CREBRF: variants seen among roughly 807,000 people sequenced by gnomAD.
CREBRF encodes CREB3 regulatory factor.
Under a neutral mutation model 66.1 loss-of-function variants are expected in CREBRF, and 5 were observed. The observed-to-expected ratio is 0.08, with a 90% CI of 0.04 to 0.16. The LOEUF is 0.16. Among genes scored for constraint, CREBRF ranks in the 10% least tolerant of loss-of-function variants. CREBRF has a pLI of 1.00. For synonymous variants in CREBRF, 229 were observed against 264.4 expected (o/e 0.87, Z 1.30); for missense variants, 531 against 744.9 (o/e 0.71, Z 3.34).
In CREBRF at chr5:173,138,177, T is replaced by G. The variant is rs1433163654; in HGVS notation, c.*4432T>G. ...AGTGCCGTAATACTTGTGGATTCTTTTGTAATCTTTGTAATCTTAATAAGG... is the reference window on the plus strand; with the variant it reads ...AGTGCCGTAATACTTGTGGATTCTTGTGTAATCTTTGTAATCTTAATAAGG... On this transcript the variant is annotated 3_prime_UTR_variant, in exon 9 of 9. Transcript: ENST00000296953. 1 of 152,192 alleles carries G rather than the reference T, an allele frequency of 6.6e-6. No individual in the cohort carries two copies. Among genetic ancestry groups the G allele is most frequent in the African/African-American group, 2.4e-5 (1 of 41,460 alleles). The allele number at this position is 152,192 out of a possible 1,614,324, so 9.4% of individuals were successfully genotyped here.
At chr5:173,063,710 AG>A (rs1161832193) in intron 1 of CREBRF, among the ~76,000 whole-genome samples, 5 of 150,608 alleles carry the variant, frequency 3.3e-5, no homozygotes, top group Non-Finnish European at 5.9e-5. Context: ...TTGATTAAAA[AG>A]AATTTTTGTT....
At position 173,071,293 on chromosome 5, in the gene CREBRF, C is replaced by G. The variant is rs546164127; in HGVS notation, c.-191-9292C>G. Among the ~76,000 whole-genome samples, 20 of 152,236 alleles carry G rather than the reference C, an allele frequency of 1.3e-4. 1 individual carries two copies. The highest frequency in any genetic ancestry group is 4.8e-4 in the African/African-American group (20 of 41,562). ...GCGCCATGATCTCGCATCACTGCAA[C>G]CTCCGCCTCCTGGGTTCAAACGATT... On this transcript the variant is annotated intron_variant, in intron 1 of 8. Transcript: ENST00000296953.
intron 3 of CREBRF, among the ~76,000 whole-genome samples, chr5:173,089,359 T>C (rs1758261045): frequency 6.6e-6 from 1 of 152,114 alleles, no homozygotes; most frequent in East Asian, 1.9e-4. Flanking sequence ...TCCATGCATA[T>C]GTAAACATAT....
intron 4 of CREBRF, among the ~76,000 whole-genome samples, chr5:173,102,364 C>T (rs985290122): frequency 6.6e-6 from 1 of 151,976 alleles, no homozygotes; most frequent in Non-Finnish European, 1.5e-5. Context: ...ACTGGCTTTG[C>T]CAAGGAAAGC....
Position 173,090,914 on chromosome 5 carries a change from G to A in CREBRF, c.735G>A (p.Val245=). 1 of 1,614,206 alleles carries A rather than the reference G, an allele frequency of 6.2e-7. No homozygotes were observed. Among genetic ancestry groups the A allele is most frequent in the Non-Finnish European group, 8.5e-7 (1 of 1,180,038 alleles). ...AGGCAAAGGTAAAGATCAACCCAGT[G>A]CAACAGAGCCGGCCCTTGTTGAGCC... The part of the protein sequence containing the change: ...VKKAKVKINP[V]QQSRPLLSQI... The change falls in exon 4 of 9, where the codon GTG becomes GTA. Residue 245 remains valine (V), a synonymous_variant. Coordinates refer to ENST00000296953, the MANE Select transcript of CREBRF (RefSeq NM_153607.3). The surrounding 1 kb of genome is among the most constrained non-coding windows in gnomAD (Gnocchi z 4.5).
chr5:173,082,550 A>G (rs1581671939), intron 2 of CREBRF, among the ~76,000 whole-genome samples: 1 of 151,986 alleles, frequency 6.6e-6, no homozygotes, highest in East Asian at 1.9e-4. Context: ...AAGCAAATAG[A>G]TTAATACCAT....
chr5:173,086,139 G>A (rs528104585), intron 2 of CREBRF: 7 of 787,720 alleles, frequency 8.9e-6, no homozygotes, highest in East Asian at 2.4e-5. Context: ...TTTGTTTGTC[G>A]TGTAGGATAT....
intron 7 of CREBRF, among the ~76,000 whole-genome samples, chr5:173,120,443 G>A (rs1218517157): frequency 1.4e-5 from 2 of 146,884 alleles, no homozygotes; most frequent in East Asian, 2.0e-4. Context: ...GCAGTGGCAC[G>A]ATCTCAGCTC....
chr5:173,119,783 C>G (rs1759094820), intron 7 of CREBRF, among the ~76,000 whole-genome samples: 1 of 152,030 alleles, frequency 6.6e-6, no homozygotes. Context: ...GAGAAAATTT[C>G]CTGCTATTTC....
chr5:173,137,800 T>TA lies in CREBRF; in HGVS notation c.*4062dup, dbSNP rs1759622884. The stretch of plus-strand genomic sequence containing the variant: ...TGTGCTTTTCTTTATTCCACACATT[T>TA]AAAAAAATTTAGCTGCTAAGATTTA... On this transcript the variant is annotated 3_prime_UTR_variant, in exon 9 of 9. Coordinates refer to ENST00000296953, the MANE Select transcript of CREBRF (RefSeq NM_153607.3). The TA allele has an allele frequency of 6.6e-6, 1 of 152,056 alleles. No individual in the cohort carries two copies. The highest frequency in any genetic ancestry group is 1.5e-5 in the Non-Finnish European group (1 of 67,960). 9.4% of individuals were successfully genotyped at this position (152,056 alleles called of 1,614,324 possible).
chr5:173,108,007 GT>G (rs1438708130), intron 4 of CREBRF, among the ~76,000 whole-genome samples: 1 of 150,182 alleles, frequency 6.7e-6, no homozygotes, highest in Non-Finnish European at 1.5e-5. Context: ...TAATTTTTGT[GT>G]TTTTTAGTAG....
chr5:173,068,922 A>AT (rs1308838218), intron 1 of CREBRF, among the ~76,000 whole-genome samples: 1 of 151,786 alleles, frequency 6.6e-6, no homozygotes, highest in Non-Finnish European at 1.5e-5. Flanking sequence ...AAAAAAAAAA[A>AT]TTAGCTGAGC....
chr5:173,062,301 A>G (rs992853795), intron 1 of CREBRF, among the ~76,000 whole-genome samples: 1 of 152,168 alleles, frequency 6.6e-6, no homozygotes, highest in African/African-American at 2.4e-5. Flanking sequence ...ACTGCCTCAC[A>G]CTGTGCCTGA....
At chr5:173,071,684 G>A (rs1204061123) in intron 1 of CREBRF, among the ~76,000 whole-genome samples, 2 of 152,018 alleles carry the variant, frequency 1.3e-5, no homozygotes, top group African/African-American at 4.8e-5. Context: ...AGAAATGTAT[G>A]GGAGTTGCTG....
At chr5:173,122,479 T>C (rs573578435) in intron 7 of CREBRF, among the ~76,000 whole-genome samples, 4 of 151,686 alleles carry the variant, frequency 2.6e-5, no homozygotes, top group Admixed American at 6.6e-5. Context: ...TTATAATCAT[T>C]ACTGCTTAAT....
chr5:173,110,611 C>T lies in CREBRF; in HGVS notation c.1507C>T (p.Arg503Trp), dbSNP rs1437321060. The T allele has an allele frequency of 9.9e-6, 16 of 1,613,910 alleles. No individual in the cohort carries two copies. Among genetic ancestry groups the T allele is most frequent in the East Asian group, 6.7e-5 (3 of 44,888 alleles). Residue 503 changes from arginine (R) to tryptophan (W), a missense_variant, in exon 6 of 9, where the codon CGG (arginine) becomes TGG (tryptophan). Arg to Trp is a moderately radical substitution (Grantham distance 101, BLOSUM62 -3). Transcript: ENST00000296953. ...ACTCCTCCAGATAGGCAATGAACTT[C>T]GGAAACTGAATAAGGTGATTAGTGA... is the stretch of plus-strand genomic sequence containing the variant. Reference protein sequence around the residue: ...KKLLQIGNELRKLNKVISDLT... With the variant: ...KKLLQIGNELWKLNKVISDLT...
intron 4 of CREBRF, among the ~76,000 whole-genome samples, chr5:173,100,118 G>GTGTGTGTA (rs70984939): frequency 0.02 from 1,801 of 88,314 alleles, 24 homozygotes; most frequent in Non-Finnish European, 0.026. Context: ...GTGTGTGTGT[G>GTGTGTGTA]TATATATATA....
chr5:173,089,149 T>G (rs1353656054), intron 3 of CREBRF, among the ~76,000 whole-genome samples: 1 of 142,454 alleles, frequency 7.0e-6, no homozygotes, highest in African/African-American at 2.6e-5. Context: ...TGCACTCCAG[T>G]CTGGGTGACA....
chr5:173,096,194 C>T (rs1758472411), intron 4 of CREBRF, among the ~76,000 whole-genome samples: 1 of 152,166 alleles, frequency 6.6e-6, no homozygotes. Context: ...TGGTCTCGAT[C>T]TCCTAACCTT....
Sources: gnomAD v4.1 joint callset for allele counts (sites outside exome capture counted in the v4.1 genomes callset) on GRCh38, gnomAD v4.1.1 for gene constraint, Gnocchi (gnomAD v3.1) non-coding constraint, MANE v1.5 for transcripts, NCBI Gene and HGNC (gene_info 2026-07-23, HGNC 2026-07-21) for gene names.